DNM3: variants seen among roughly 807,000 people sequenced by gnomAD.
DNM3 encodes dynamin-3.
Under a neutral mutation model 101.6 loss-of-function variants are expected in DNM3, and 47 were observed. That is an observed-to-expected ratio of 0.46 (90% CI 0.37 to 0.59). The LOEUF (loss-of-function observed/expected upper bound fraction) is 0.59, where lower values mean the gene tolerates loss of function less well. DNM3 is among the 20% of genes least tolerant of loss of function. DNM3 has a pLI of 0.00. For synonymous variants in DNM3, 385 were observed against 387.9 expected (o/e 0.99, Z 0.09); for missense variants, 849 against 1,085.7 (o/e 0.78, Z 3.06).
intron 2 of DNM3, among the ~76,000 whole-genome samples, chr1:171,924,675 G>A (rs1183321068): frequency 6.6e-6 from 1 of 152,078 alleles, no homozygotes; most frequent in African/African-American, 2.4e-5. Flanking sequence ...TGACATGTGG[G>A]GATTGTGAAG....
intron 2 of DNM3, among the ~76,000 whole-genome samples, chr1:171,986,633 C>CTTT (rs367716705): frequency 1.5e-5 from 2 of 137,418 alleles, no homozygotes; most frequent in Non-Finnish European, 3.2e-5. Flanking sequence ...CCACATCTGG[C>CTTT]TTTTTTTTTT....
chr1:171,995,074 T>A (rs753553211), intron 4 of DNM3, among the ~76,000 whole-genome samples: 20 of 151,282 alleles, frequency 1.3e-4, no homozygotes, highest in Non-Finnish European at 2.7e-4. Context: ...CCATACGGCT[T>A]GTTGTTCTTA....
At chr1:172,137,066 TCTC>T (rs2057277321) in intron 14 of DNM3, 1 of 152,060 alleles carries the variant, frequency 6.6e-6, no homozygotes, top group South Asian at 2.1e-4. Context: ...ACGGGTGTAG[TCTC>T]CTTAATGTTC....
chr1:172,012,842 G>A (rs188068546), intron 4 of DNM3, among the ~76,000 whole-genome samples: 22 of 151,956 alleles, frequency 1.4e-4, no homozygotes, highest in Non-Finnish European at 2.5e-4. Context: ...TAAAAACTGG[G>A]TTATTCAGAA....
intron 15 of DNM3, among the ~76,000 whole-genome samples, chr1:172,278,888 G>A (rs1388338690): frequency 6.6e-6 from 1 of 152,130 alleles, no homozygotes; most frequent in East Asian, 1.9e-4. Context: ...TATTATCACT[G>A]CGACTTTTCC....
At chr1:172,133,825 G>A (rs1169096550) in intron 14 of DNM3, among the ~76,000 whole-genome samples, 2 of 152,128 alleles carry the variant, frequency 1.3e-5, no homozygotes, top group Non-Finnish European at 2.9e-5. Flanking sequence ...GATCCAACAG[G>A]AAGTCTGTGG....
chr1:171,922,106 T>C (rs538984799), intron 2 of DNM3, among the ~76,000 whole-genome samples: 1 of 150,032 alleles, frequency 6.7e-6, no homozygotes, highest in African/African-American at 2.5e-5. Flanking sequence ...CAACCACTAA[T>C]ACTCCTTTGG....
intron 1 of DNM3, among the ~76,000 whole-genome samples, chr1:171,875,235 A>T (rs928264325): frequency 6.6e-6 from 1 of 152,184 alleles, no homozygotes; most frequent in Non-Finnish European, 1.5e-5. Context: ...GTTCTTTGAG[A>T]AATATCCAAA....
intron 12 of DNM3, among the ~76,000 whole-genome samples, chr1:172,083,298 G>GA (rs558550515): frequency 1.8e-3 from 267 of 152,064 alleles, no homozygotes; most frequent in African/African-American, 6.1e-3. Context: ...TGTAGAAAAA[G>GA]AAAAAAACTT....
intron 4 of DNM3, among the ~76,000 whole-genome samples, chr1:171,999,529 C>T (rs985359003): frequency 6.6e-6 from 1 of 152,042 alleles, no homozygotes; most frequent in Non-Finnish European, 1.5e-5. Flanking sequence ...GAGTTTCAAG[C>T]TGGAGTTATG....
At chr1:171,848,533 A>G (rs1224993236) in intron 1 of DNM3, among the ~76,000 whole-genome samples, 3 of 152,226 alleles carry the variant, frequency 2.0e-5, no homozygotes, top group African/African-American at 7.2e-5. Flanking sequence ...ATGGTCATCA[A>G]TAGGCCTTGC....
chr1:172,003,344 A>G (rs2046468595), intron 4 of DNM3, among the ~76,000 whole-genome samples: 1 of 152,020 alleles, frequency 6.6e-6, no homozygotes, highest in Admixed American at 6.6e-5. Context: ...CATTAATGTA[A>G]TAGCTCTTTT....
chr1:172,126,834 C>T (rs901520473), intron 13 of DNM3, among the ~76,000 whole-genome samples: 1 of 151,986 alleles, frequency 6.6e-6, no homozygotes, highest in African/African-American at 2.4e-5. Flanking sequence ...GGATGATCAC[C>T]TGAATTACTC....
intron 11 of DNM3, among the ~76,000 whole-genome samples, chr1:172,078,269 T>A (rs2052835756): frequency 6.6e-6 from 1 of 152,104 alleles, no homozygotes; most frequent in African/African-American, 2.4e-5. Context: ...ATTTTTTGTA[T>A]TTTTAGTAGA....
chr1:172,391,983 G>A (rs1395662481), intron 20 of DNM3, among the ~76,000 whole-genome samples: 2 of 152,128 alleles, frequency 1.3e-5, no homozygotes, highest in South Asian at 2.1e-4. Flanking sequence ...TTATGTTAAC[G>A]CCATTCAAAG....
In DNM3 at chr1:172,319,388, G is replaced by C. The variant is rs1318974753; in HGVS notation, c.1882-3941G>C. Among the ~76,000 whole-genome samples the C allele has an allele frequency of 2.0e-5, 3 of 152,308 alleles. No homozygotes were observed. In the East Asian group the frequency reaches 5.8e-4, roughly 29 times the overall value. On this transcript the variant is annotated intron_variant, in intron 16 of 20. Transcript: ENST00000627582. Reference sequence around the variant, plus strand: ...GCAACAAAAGCCAAAATTGACAAATGAGATCTAATTAAACTAAAGAGTTTC... The same window carrying C: ...GCAACAAAAGCCAAAATTGACAAATCAGATCTAATTAAACTAAAGAGTTTC...
intron 2 of DNM3, among the ~76,000 whole-genome samples, chr1:171,930,996 C>T (rs371367594): frequency 2.6e-4 from 40 of 152,114 alleles, no homozygotes; most frequent in Admixed American, 1.6e-3. Flanking sequence ...GTTGTCCTGG[C>T]GCATAAGAAG....
intron 15 of DNM3, among the ~76,000 whole-genome samples, chr1:172,266,845 A>G (rs1286639612): frequency 6.6e-6 from 1 of 152,192 alleles, no homozygotes. Flanking sequence ...ATCATTCTCA[A>G]TTGACCTAGA....
rs147762455 is a variant in DNM3, at chr1:172,373,732, G to A, written c.1894-5286G>A. On this transcript the variant is annotated intron_variant, in intron 17 of 20. Coordinates refer to ENST00000627582, the MANE Select transcript of DNM3 (RefSeq NM_015569.5). ...TTACATCCTCCAGATTGTCAAACAGGCAACATACACACATTCAATTTCAGA... is the reference window on the plus strand; with the variant it reads ...TTACATCCTCCAGATTGTCAAACAGACAACATACACACATTCAATTTCAGA... 3.7e-3 allele frequency among the ~76,000 whole-genome samples: 562 copies of A among 151,772 alleles called. 3 individuals are homozygous for A. Among genetic ancestry groups the A allele is most frequent in the African/African-American group, 0.013 (532 of 41,418 alleles).
Sources: gnomAD v4.1 joint callset for allele counts (sites outside exome capture counted in the v4.1 genomes callset) on GRCh38, gnomAD v4.1.1 for gene constraint, MANE v1.5 for transcripts, NCBI Gene and HGNC (gene_info 2026-07-23, HGNC 2026-07-21) for gene names.